The following NTM variants were observed in gnomAD, a reference collection of about 807,000 sequenced individuals.
The protein encoded by NTM is neurotrimin, also known as IgLON family member 2.
NTM carries 13 observed loss-of-function variants against 42.1 expected under a neutral mutation model. The ratio of observed to expected loss-of-function variants is 0.31; its 90% confidence interval spans 0.20 to 0.49. NTM has a LOEUF of 0.49. NTM is among the 20% of genes least tolerant of loss of function. The pLI, the probability that NTM is intolerant of heterozygous loss-of-function variation, is 0.99. For synonymous variants in NTM, 187 were observed against 179.2 expected, an observed-to-expected ratio of 1.04 and a Z score of -0.35; for missense variants, 373 against 452.8, an observed-to-expected ratio of 0.82 and a Z score of 1.60.
rs145799756 is a variant in NTM, at chr11:131,873,708, T to C, written c.83-37856T>C. ...ATATATATACACACATATATATATA[T>C]ACACACACACACTTTTAATGTATAT... On this transcript the variant is annotated intron_variant, in intron 1 of 8. Coordinates refer to ENST00000683400, the MANE Select transcript of NTM (RefSeq NM_001352005.2). Among the ~76,000 whole-genome samples the C allele has an allele frequency of 5.4e-3, 757 of 140,932 alleles. 33 individuals carry two copies. The highest frequency in any genetic ancestry group is 0.019 in the African/African-American group (701 of 36,422). 92.5% of individuals were successfully genotyped at this position (140,932 alleles called of 152,430 possible). A position where few individuals can be genotyped will look rare whatever the true frequency, so the allele number is the denominator to read the frequency against.
chr11:132,146,995 C>T lies in NTM; in HGVS notation c.400+481C>T, dbSNP rs1042421651. 1 of 157,004 alleles carries T rather than the reference C, an allele frequency of 6.4e-6. No homozygotes were observed. The allele number at this position is 157,004 out of a possible 1,614,324, so 9.7% of individuals were successfully genotyped here. A position where few individuals can be genotyped will look rare whatever the true frequency, so the allele number is the denominator to read the frequency against. On this transcript the variant is annotated intron_variant, in intron 3 of 8. Transcript: ENST00000683400. This position sits in a 1 kb window ranked among gnomAD's most constrained non-coding sequence, Gnocchi z 4.5. ...ACTGGGCACTGCCCTCAGCTGCATC[C>T]TTCACAAGCACCTGCTTGTTTCCAG...
chr11:132,162,607 G>A (rs2074545827), intron 3 of NTM, among the ~76,000 whole-genome samples: 1 of 147,594 alleles, frequency 6.8e-6, no homozygotes, highest in Non-Finnish European at 1.5e-5. Context: ...GGCATGTGTG[G>A]GGGACATGTG....
chr11:132,233,791 A>G (rs2088159823), intron 4 of NTM, among the ~76,000 whole-genome samples: 3 of 152,172 alleles, frequency 2.0e-5, no homozygotes, highest in Non-Finnish European at 4.4e-5. Flanking sequence ...GGTTCTGAAC[A>G]CTGTTATTAA....
chr11:131,591,626 TAAAG>T (rs1352261338), intron 1 of NTM, among the ~76,000 whole-genome samples: 2 of 152,194 alleles, frequency 1.3e-5, no homozygotes, highest in Non-Finnish European at 2.9e-5. Flanking sequence ...GGGTCACTGA[TAAAG>T]AAAACCCCAA....
intron 2 of NTM, among the ~76,000 whole-genome samples, chr11:132,134,649 AG>A (rs1458604742): frequency 2.8e-5 from 4 of 141,512 alleles, no homozygotes; most frequent in African/African-American, 7.8e-5. Flanking sequence ...AGTTCCATCC[AG>A]TTTGCTGCAA....
Position 131,467,691 on chromosome 11 carries a change from T to TA in NTM, c.82+96810dup, listed in dbSNP as rs565587846. ...TTTAGTGGCCTCCACTTATGATTTT[T>TA]AAAAAAATAAAATAGAATTACTGAA... On this transcript the variant is annotated intron_variant, in intron 1 of 8. Transcript: ENST00000683400. Among the ~76,000 whole-genome samples the TA allele has an allele frequency of 1.6e-3, 240 of 152,318 alleles. 2 individuals carry two copies. Among genetic ancestry groups the TA allele is most frequent in the African/African-American group, 5.4e-3 (223 of 41,574 alleles).
intron 1 of NTM, among the ~76,000 whole-genome samples, chr11:131,424,067 G>A (rs1947808084): frequency 6.6e-6 from 1 of 152,164 alleles, no homozygotes; most frequent in Non-Finnish European, 1.5e-5. Flanking sequence ...AAGCTGCCAT[G>A]CAAATAAACT....
At chr11:132,307,237 G>A (rs1207029718) in intron 4 of NTM, among the ~76,000 whole-genome samples, 2 of 152,190 alleles carry the variant, frequency 1.3e-5, no homozygotes, top group African/African-American at 4.8e-5. Context: ...GTATGTGTAT[G>A]TAGCTGCTGG....
At chr11:131,827,087 A>T (rs2042227667) in intron 1 of NTM, among the ~76,000 whole-genome samples, 1 of 151,980 alleles carries the variant, frequency 6.6e-6, no homozygotes, top group African/African-American at 2.4e-5. Flanking sequence ...TTTGTACCAG[A>T]CTCTGAATAC....
intron 1 of NTM, among the ~76,000 whole-genome samples, chr11:131,584,610 G>T (rs2058693585): frequency 6.6e-6 from 1 of 152,194 alleles, no homozygotes; most frequent in African/African-American, 2.4e-5. Context: ...TAACGAGCGT[G>T]TATTTGTTTA....
At chr11:131,937,989 C>T (rs1482700556) in intron 2 of NTM, among the ~76,000 whole-genome samples, 3 of 152,140 alleles carry the variant, frequency 2.0e-5, no homozygotes, top group Admixed American at 6.5e-5. Flanking sequence ...TCCTAATAGG[C>T]ATGCTCTTAA....
chr11:131,466,137 G>A (rs148873174), intron 1 of NTM, among the ~76,000 whole-genome samples: 187 of 152,268 alleles, frequency 1.2e-3, no homozygotes, highest in African/African-American at 4.4e-3. Flanking sequence ...GAGCCTGCCC[G>A]ACCCTGACAG....
intron 1 of NTM, among the ~76,000 whole-genome samples, chr11:131,527,216 A>G (rs1409238959): frequency 2.0e-5 from 3 of 152,152 alleles, no homozygotes; most frequent in Admixed American, 2.0e-4. Flanking sequence ...TCCTGTCCTC[A>G]TTCCCTTGGG....
chr11:131,775,218 A>G (rs1300057017), intron 1 of NTM, among the ~76,000 whole-genome samples: 1 of 152,212 alleles, frequency 6.6e-6, no homozygotes, highest in Admixed American at 6.5e-5. Flanking sequence ...GTCTCCCACA[A>G]ATGTTAGATT....
intron 1 of NTM, among the ~76,000 whole-genome samples, chr11:131,588,078 G>C (rs1256904812): frequency 6.6e-6 from 1 of 152,028 alleles, no homozygotes; most frequent in Non-Finnish European, 1.5e-5. Context: ...ACCATATGAG[G>C]TGGTTACTAA....
chr11:131,742,711 T>A (rs75094111), intron 1 of NTM, among the ~76,000 whole-genome samples: 4,354 of 152,188 alleles, frequency 0.029, 204 homozygotes, highest in African/African-American at 0.099. Flanking sequence ...AATTAAAAAA[T>A]TTTCTTATTA....
chr11:131,887,526 TG>T (rs2050602885), intron 1 of NTM, among the ~76,000 whole-genome samples: 1 of 152,220 alleles, frequency 6.6e-6, no homozygotes, highest in Admixed American at 6.5e-5. Context: ...CTTTCTGTTG[TG>T]TGCTACAAAT....
intron 1 of NTM, among the ~76,000 whole-genome samples, chr11:131,694,768 G>A (rs182138113): frequency 4.6e-5 from 7 of 152,256 alleles, no homozygotes; most frequent in Admixed American, 4.6e-4. Context: ...TGAGCTTTGC[G>A]GAAGGGCATA....
chr11:131,924,344 G>T (rs2057655271), intron 2 of NTM, among the ~76,000 whole-genome samples: 1 of 152,182 alleles, frequency 6.6e-6, no homozygotes, highest in African/African-American at 2.4e-5. Context: ...GCATTCCCAG[G>T]CTTCAGGTTC....
Sources: allele counts gnomAD v4.1 joint callset (sites outside exome capture counted in the v4.1 genomes callset), GRCh38; gene constraint gnomAD v4.1.1; non-coding constraint Gnocchi (gnomAD v3.1); transcripts MANE v1.5; gene names NCBI Gene and HGNC (gene_info 2026-07-23, HGNC 2026-07-21).